The following CIP2A variants were observed in gnomAD, a reference collection of about 807,000 sequenced individuals.
The protein encoded by CIP2A is cellular inhibitor of PP2A, also known as protein CIP2A.
A neutral mutation model predicts 110.9 loss-of-function variants in CIP2A; 103 were observed. That is an observed-to-expected ratio of 0.93 (90% CI 0.79 to 1.09). The LOEUF (loss-of-function observed/expected upper bound fraction) is 1.09. Ranked by LOEUF, CIP2A falls within the 50% of genes least tolerant of loss-of-function variation. CIP2A has a pLI of 0.00. For missense variants in CIP2A, 1,088 were observed against 1,038.4 expected, an observed-to-expected ratio of 1.05 and a Z score of -0.66; for synonymous variants, 381 against 361.6, an observed-to-expected ratio of 1.05 and a Z score of -0.61.
chr3:108,559,940 A>G lies in CIP2A; in HGVS notation c.1902+14T>C, dbSNP rs753501920. 17 of 1,583,228 alleles carry G rather than the reference A, an allele frequency of 1.1e-5. No homozygotes were observed. The Admixed American group carries it at 2.9e-4, about 27-fold the overall frequency. ...AAAGCTTATTACACATTGTTAAAATAAGCTTATACTCACAGCTAATGTGGA... is the reference window on the plus strand; with the variant it reads ...AAAGCTTATTACACATTGTTAAAATGAGCTTATACTCACAGCTAATGTGGA... On this transcript the variant is annotated intron_variant, in intron 15 of 20. Transcript: ENST00000295746.
At chr3:108,587,003 T>C (rs1939064722) in intron 1 of CIP2A, among the ~76,000 whole-genome samples, 1 of 152,154 alleles carries the variant, frequency 6.6e-6, no homozygotes, top group South Asian at 2.1e-4. Context: ...ACAAATACTG[T>C]CAACCAAAAT....
chr3:108,557,763 A>G (rs1038068194), intron 16 of CIP2A, among the ~76,000 whole-genome samples: 3 of 152,182 alleles, frequency 2.0e-5, no homozygotes, highest in African/African-American at 7.2e-5. Context: ...GCACACCATC[A>G]GCATTCTCAT....
At chr3:108,566,383 A>G (rs1938181389) in intron 11 of CIP2A, 114 bp downstream of exon 11, 1 of 708,598 alleles carries the variant, frequency 1.4e-6, no homozygotes, top group Non-Finnish European at 2.3e-6. Context: ...ATGTTTGTTA[A>G]TCTGTTATAT....
intron 12 of CIP2A, among the ~76,000 whole-genome samples, chr3:108,564,879 A>G (rs1224070401): frequency 6.6e-6 from 1 of 151,852 alleles, no homozygotes; most frequent in African/African-American, 2.4e-5. Context: ...ACAGCTAGAG[A>G]TCATATTCAG....
intron 18 of CIP2A, among the ~76,000 whole-genome samples, 164 bp from the exon 19 acceptor site, chr3:108,553,894 T>TAAA (rs1303036231): frequency 1.2e-4 from 6 of 49,734 alleles, no homozygotes; most frequent in East Asian, 5.3e-4. Context: ...CTACTAAAAA[T>TAAA]ATAAAAAAAA....
chr3:108,569,743 T>C, intron 8 of CIP2A, 136 bp from the exon 9 acceptor site: 1 of 675,406 alleles, frequency 1.5e-6, no homozygotes, highest in Non-Finnish European at 2.5e-6. Flanking sequence ...TTTCTTTCAA[T>C]ATTATTTTTC....
chr3:108,582,325 A>C (rs576865669), intron 3 of CIP2A, 123 bp from the exon 4 acceptor site: 2 of 444,760 alleles, frequency 4.5e-6, no homozygotes, highest in South Asian at 1.1e-4. Flanking sequence ...TTTTTAAAAA[A>C]CACATGTAAA....
chr3:108,578,917 G>C (rs924448109), intron 7 of CIP2A, among the ~76,000 whole-genome samples: 3 of 152,058 alleles, frequency 2.0e-5, no homozygotes, highest in Non-Finnish European at 4.4e-5. Flanking sequence ...TATAATTTAT[G>C]TAGAAATATT....
At chr3:108,562,250 TAGTA>T (rs1938031092) in intron 13 of CIP2A, among the ~76,000 whole-genome samples, 1 of 152,136 alleles carries the variant, frequency 6.6e-6, no homozygotes, top group South Asian at 2.1e-4. Context: ...TAGGTCAAGA[TAGTA>T]AGTATTTTAG....
intron 10 of CIP2A, 131 bp from the exon 11 acceptor site, chr3:108,566,769 C>A: frequency 1.8e-6 from 1 of 550,426 alleles, no homozygotes; most frequent in Non-Finnish European, 3.0e-6. Context: ...AGCTCAATGA[C>A]AAACAAGGAA....
At chr3:108,564,358 C>T (rs374470190) in intron 12 of CIP2A, among the ~76,000 whole-genome samples, 8 of 152,114 alleles carry the variant, frequency 5.3e-5, no homozygotes, top group African/African-American at 1.7e-4. Context: ...ACTGTCTATA[C>T]AGTCACTAGA....
At position 108,568,193 on chromosome 3, in the gene CIP2A, T is replaced by C. The variant is rs1488481518; in HGVS notation, c.1235A>G (p.Lys412Arg). 3 of 1,612,108 alleles carry C rather than the reference T, an allele frequency of 1.9e-6. No individual in the cohort carries two copies. Among genetic ancestry groups the C allele is most frequent in the South Asian group, 2.2e-5 (2 of 90,998 alleles). ...QNLDEALTRK[K>R]CERIAKAIEV... ...AATGGCCTTGGCAATCCTTTCACATTTTTTTCTTGTTAAAGCCTCATCTAG... is the reference window on the plus strand; with the variant it reads ...AATGGCCTTGGCAATCCTTTCACATCTTTTTCTTGTTAAAGCCTCATCTAG... The change falls in exon 10 of 21, where the codon AAA (lysine) becomes AGA (arginine). Residue 412 changes from lysine to arginine, a missense_variant. Physicochemically the swap from Lys to Arg is conservative, Grantham distance 26. Coordinates refer to ENST00000295746, the MANE Select transcript of CIP2A (RefSeq NM_020890.3).
rs1559699172 is a variant in CIP2A at position 108,575,561 on chromosome 3, CGTGTAT to C, written c.894+704_894+709del. Among the ~76,000 whole-genome samples the C allele has an allele frequency of 5.0e-5, 7 of 140,422 alleles. 1 individual carries two copies. Among genetic ancestry groups the C allele is most frequent in the African/African-American group, 2.1e-4 (7 of 33,330 alleles). 92.1% of individuals were successfully genotyped at this position (140,422 alleles called of 152,430 possible). A position where few individuals can be genotyped will look rare whatever the true frequency, so the allele number is the denominator to read the frequency against. ...ATACTCATATACATGTGTATATATA[CGTGTAT>C]ATATACTCATATACATGTGTATATA... On this transcript the variant is annotated intron_variant, in intron 8 of 20. Coordinates refer to ENST00000295746, the MANE Select transcript of CIP2A (RefSeq NM_020890.3).
chr3:108,561,496 C>T (rs76432943), intron 13 of CIP2A, among the ~76,000 whole-genome samples: 2,948 of 152,028 alleles, frequency 0.019, 88 homozygotes, highest in African/African-American at 0.063. Context: ...CCTGGTGAGA[C>T]CCCTCTATAA....
intron 6 of CIP2A, 61 bp downstream of exon 6, chr3:108,579,505 T>G: frequency 1.3e-6 from 2 of 1,556,722 alleles, no homozygotes; most frequent in Non-Finnish European, 1.7e-6. Flanking sequence ...TAAAAAAGTC[T>G]CAATGACTTT....
chr3:108,560,863 G>GA (rs753450812), intron 13 of CIP2A, 22 bp from the exon 14 acceptor site: 664 of 1,460,866 alleles, frequency 4.5e-4, no homozygotes, highest in South Asian at 1.1e-3. Context: ...TCAAAGAAAG[G>GA]AAAAAAAAAT....
At chr3:108,566,407 C>CA (rs1938182246) in intron 11 of CIP2A, 90 bp downstream of exon 11, 1 of 990,524 alleles carries the variant, frequency 1.0e-6, no homozygotes. Flanking sequence ...AAGTTATAAC[C>CA]AAAGGATGGT....
rs142990500 is a variant in CIP2A, at chr3:108,569,593, A to T, written c.909T>A (p.Leu303=). 13 of 1,611,934 alleles carry T rather than the reference A, an allele frequency of 8.1e-6. No individual in the cohort carries two copies. The African/African-American group carries it at 1.6e-4, about 20-fold the overall frequency. ...PDSSSKVLEL[L]LAFCSVTQLR... ...GCTGAGTCACTGAACAGAAGGCAAG[A>T]AGTAATTCTAAAACCTGTGCAATAT... is the stretch of plus-strand genomic sequence containing the variant. Residue 303 remains leucine (L), a synonymous_variant, in exon 9 of 21, where the codon CTT becomes CTA. Coordinates refer to ENST00000295746, the MANE Select transcript of CIP2A (RefSeq NM_020890.3).
rs1220721293 is a variant in CIP2A at position 108,575,568 on chromosome 3, A to ACG, written c.894+702_894+703insCG. On this transcript the variant is annotated intron_variant, in intron 8 of 20. Coordinates refer to ENST00000295746, the MANE Select transcript of CIP2A (RefSeq NM_020890.3). ...TATACATGTGTATATATACGTGTAT[A>ACG]TATACTCATATACATGTGTATATAT... Among the ~76,000 whole-genome samples, 8 of 149,416 alleles carry ACG rather than the reference A, an allele frequency of 5.4e-5. 1 individual carries two copies. The highest frequency in any genetic ancestry group is 2.0e-4 in the African/African-American group (8 of 39,698).
Sources: allele counts gnomAD v4.1 joint callset (sites outside exome capture counted in the v4.1 genomes callset), GRCh38; gene constraint gnomAD v4.1.1; transcripts MANE v1.5; gene names NCBI Gene and HGNC (gene_info 2026-07-23, HGNC 2026-07-21).